TRAPPC10: variants seen among roughly 807,000 people sequenced by gnomAD.
TRAPPC10 encodes trafficking protein particle complex subunit 10, also known as TRAPP 130 kDa subunit.
Under a neutral mutation model 125.5 loss-of-function variants are expected in TRAPPC10, and 23 were observed. The ratio of observed to expected loss-of-function variants is 0.18; its 90% confidence interval spans 0.13 to 0.26. The LOEUF (loss-of-function observed/expected upper bound fraction) is 0.26. Among genes scored for constraint, TRAPPC10 ranks in the 10% least tolerant of loss-of-function variants. The pLI is 1.00. For synonymous variants in TRAPPC10, 509 were observed against 518.0 expected, an observed-to-expected ratio of 0.98 and a Z score of 0.24; for missense variants, 1,123 against 1,308.4, an observed-to-expected ratio of 0.86 and a Z score of 2.19.
chr21:44,052,139 C>A, intron 3 of TRAPPC10, 141 bp from the exon 4 acceptor site: 1 of 701,834 alleles, frequency 1.4e-6, no homozygotes, highest in Non-Finnish European at 2.3e-6. Flanking sequence ...GGCCGCTGGG[C>A]TTTTTATTCA....
chr21:44,077,947 C>T (rs2037407719), intron 11 of TRAPPC10, among the ~76,000 whole-genome samples, 163 bp downstream of exon 11: 2 of 151,968 alleles, frequency 1.3e-5, no homozygotes, highest in South Asian at 2.1e-4. Context: ...TTCTGAAAAC[C>T]AGATGGAGAG....
At chr21:44,077,595 C>G (rs2037380367) in intron 10 of TRAPPC10, 98 bp from the exon 11 acceptor site, 1 of 975,656 alleles carries the variant, frequency 1.0e-6, no homozygotes, top group East Asian at 2.7e-5. Context: ...AAAACAAAAA[C>G]CCAACAATGT....
Position 44,082,858 on chromosome 21 carries a change from C to T in TRAPPC10, c.1794C>T (p.Ala598=), listed in dbSNP as rs766120728. 4.9e-5 allele frequency: 79 copies of T among 1,614,072 alleles called. No homozygotes were observed. Among genetic ancestry groups the T allele is most frequent in the Non-Finnish European group, 6.4e-5 (76 of 1,180,034 alleles). The change falls in exon 14 of 23, where the codon GCC becomes GCT. Residue 598 remains alanine (A), a synonymous_variant. Transcript: ENST00000291574. This position sits in a 1 kb window ranked among gnomAD's most constrained non-coding sequence, Gnocchi z 4.4. ...ATCTCCATTTTGATCCCTCCAATGC[C>T]GTGGTCCACGTGGGCGGCGTTTTGT... ...LRDLHFDPSN[A]VVHVGGVLCV... is the part of the protein sequence containing the mutation.
At position 44,094,079 on chromosome 21, in the gene TRAPPC10, A is replaced by T; in HGVS notation, c.3014A>T (p.Gln1005Leu). 6.2e-7 allele frequency: 1 copy of T among 1,613,768 alleles called. No homozygotes were observed. The highest frequency in any genetic ancestry group is 8.5e-7 in the Non-Finnish European group (1 of 1,179,932). Residue 1005 changes from glutamine (Q) to leucine (L), a missense_variant, in exon 20 of 23, where the codon CAG becomes CTG. Physicochemically the swap from Gln to Leu is moderately radical, Grantham distance 113. Transcript: ENST00000291574. ...TCTTTCCAGCCCATCTACAGCAAGC[A>T]GTCGGTGTTCTTCGTCTGGGAACTC... ...TQSQQPIYSK[Q>L]SVFFVWELKW...
At chr21:44,041,560 CG>C (rs2034422082) in intron 3 of TRAPPC10, among the ~76,000 whole-genome samples, 1 of 151,226 alleles carries the variant, frequency 6.6e-6, no homozygotes, top group African/African-American at 2.4e-5. Flanking sequence ...AGTTTGGAGA[CG>C]GGGTTTCTCC....
intron 9 of TRAPPC10, among the ~76,000 whole-genome samples, chr21:44,075,470 A>G (rs1177506460): frequency 1.3e-5 from 2 of 152,052 alleles, no homozygotes; most frequent in African/African-American, 4.8e-5. Flanking sequence ...CTGTTTTTCT[A>G]ACAATACGAC....
chr21:44,092,083 C>A lies in TRAPPC10; in HGVS notation c.2997+34C>A, dbSNP rs533387871. ...TGTGTAGACCTGAGCATAAACTTCT[C>A]AACAGAGAACCAGAGTGTACGGAAA... On this transcript the variant is annotated intron_variant, in intron 19 of 22. Transcript: ENST00000291574. 39 of 1,610,474 alleles carry A rather than the reference C, an allele frequency of 2.4e-5. 1 individual carries two copies. In the South Asian group the frequency reaches 4.2e-4, roughly 17 times the overall value.
chr21:44,043,726 C>T (rs2034578209), intron 3 of TRAPPC10, among the ~76,000 whole-genome samples: 1 of 152,170 alleles, frequency 6.6e-6, no homozygotes, highest in Non-Finnish European at 1.5e-5. Context: ...GGGTGGGCCT[C>T]TGACTGTGGC....
At chr21:44,077,825 A>G (rs1226407859) in intron 11 of TRAPPC10, 41 bp downstream of exon 11, 2 of 1,453,124 alleles carry the variant, frequency 1.4e-6, no homozygotes, top group Admixed American at 3.4e-5. Flanking sequence ...TAAACATACA[A>G]ATAACACGAG....
At chr21:44,029,995 G>C (rs2033429840) in intron 1 of TRAPPC10, among the ~76,000 whole-genome samples, 1 of 152,170 alleles carries the variant, frequency 6.6e-6, no homozygotes, top group Non-Finnish European at 1.5e-5. Context: ...TGCCACTGTT[G>C]GATGTGCTGA....
At position 44,080,070 on chromosome 21, in the gene TRAPPC10, C is replaced by T. The variant is rs371689506; in HGVS notation, c.1666C>T (p.Arg556Cys). The T allele has an allele frequency of 3.0e-5, 49 of 1,614,008 alleles. No homozygotes were observed. Among genetic ancestry groups the T allele is most frequent in the Admixed American group, 1.8e-4 (11 of 60,002 alleles). The change falls in exon 13 of 23, where the codon CGC becomes TGC. Residue 556 changes from arginine (R) to cysteine (C), a missense_variant. By Grantham distance (180) the Arg-to-Cys change is radical. This residue lies in a region of TRAPPC10 where 840 missense variants were observed against 902.0 expected (regional missense o/e 0.93). Transcript: ENST00000291574. Reference protein sequence around the residue: ...ASDHHLTEEERKHFCQEILDF... With the variant: ...ASDHHLTEEECKHFCQEILDF... ...TGACCACCACCTCACTGAAGAGGAG[C>T]GCAAGCACTTCTGCCAGGAGATACT...
chr21:44,020,387 A>G (rs926579159), intron 1 of TRAPPC10, among the ~76,000 whole-genome samples: 7 of 151,932 alleles, frequency 4.6e-5, no homozygotes, highest in African/African-American at 1.7e-4. Flanking sequence ...CGGCCTCTCA[A>G]AGTGCTGGAT....
At chr21:44,016,252 GT>G (rs2031830243) in intron 1 of TRAPPC10, among the ~76,000 whole-genome samples, 1 of 152,170 alleles carries the variant, frequency 6.6e-6, no homozygotes, top group African/African-American at 2.4e-5. Context: ...CAGCCACAGG[GT>G]CAGTTTTCTG....
chr21:44,079,746 G>A (rs1192177971), intron 12 of TRAPPC10, 42 bp downstream of exon 12: 1 of 1,584,226 alleles, frequency 6.3e-7, no homozygotes, highest in African/African-American at 1.4e-5. Flanking sequence ...ATTATTTTCT[G>A]TTTATACGGC....
intron 7 of TRAPPC10, among the ~76,000 whole-genome samples, chr21:44,069,052 A>G (rs2036661033): frequency 1.3e-5 from 2 of 152,242 alleles, no homozygotes; most frequent in South Asian, 2.1e-4. Context: ...GAAAAATAAA[A>G]TAAGAAAACT....
chr21:44,023,906 G>T (rs2032810951), intron 1 of TRAPPC10, among the ~76,000 whole-genome samples: 1 of 152,168 alleles, frequency 6.6e-6, no homozygotes, highest in South Asian at 2.1e-4. Flanking sequence ...AGCCTCCCGA[G>T]TAGTGAGTAG....
In TRAPPC10 at chr21:44,063,811, C is replaced by T. The variant is rs373338026; in HGVS notation, c.1038+26C>T. 1.2e-6 allele frequency: 2 copies of T among 1,602,286 alleles called. No individual in the cohort carries two copies. The highest frequency in any genetic ancestry group is 8.5e-7 in the Non-Finnish European group (1 of 1,173,660). ...GTGAGTCGGCTGTTTTCCCAATTTA[C>T]CCGTTTCTTGATTGTTCCAGCAGAA... On this transcript the variant is annotated intron_variant, in intron 7 of 22. Transcript: ENST00000291574. The surrounding 1 kb of genome is among the most constrained non-coding windows in gnomAD (Gnocchi z 4.4).
Position 44,087,579 on chromosome 21 carries a change from G to A in TRAPPC10, c.2540-120G>A, listed in dbSNP as rs1002756589. 2.9e-5 allele frequency: 25 copies of A among 859,972 alleles called. No homozygotes were observed. The East Asian group carries it at 3.6e-4, about 13-fold the overall frequency. 53.3% of individuals were successfully genotyped at this position (859,972 alleles called of 1,614,324 possible). On this transcript the variant is annotated intron_variant, in intron 16 of 22. Coordinates refer to ENST00000291574, the MANE Select transcript of TRAPPC10 (RefSeq NM_003274.5). This position sits in a 1 kb window ranked among gnomAD's most constrained non-coding sequence, Gnocchi z 4.6. ...CCTTGTTCTTGGGTTTGCCTGCCAG[G>A]TGCGCAGGAGCGGGAGAGGTTGAGC...
At position 44,041,312 on chromosome 21, in the gene TRAPPC10, T is replaced by G. The variant is rs369724011; in HGVS notation, c.285+3385T>G. Among the ~76,000 whole-genome samples the G allele has an allele frequency of 1.1e-3, 165 of 152,332 alleles. 4 individuals carry two copies. In the South Asian group the frequency reaches 0.033, roughly 31 times the overall value. On this transcript the variant is annotated intron_variant, in intron 3 of 22. Coordinates refer to ENST00000291574, the MANE Select transcript of TRAPPC10 (RefSeq NM_003274.5). Reference sequence around the variant, plus strand: ...CTAATTTTGATAAAGTACATTTTCTTGGAAATTACGTATTTCGGTTAAGTT... The same window carrying G: ...CTAATTTTGATAAAGTACATTTTCTGGGAAATTACGTATTTCGGTTAAGTT...
Sources: allele counts gnomAD v4.1 joint callset (sites outside exome capture counted in the v4.1 genomes callset), GRCh38; gene constraint gnomAD v4.1.1; regional missense constraint gnomAD v4.1.1; non-coding constraint Gnocchi (gnomAD v3.1); transcripts MANE v1.5; gene names NCBI Gene and HGNC (gene_info 2026-07-23, HGNC 2026-07-21).